Variants in VPS13D observed in about 807,000 individuals in gnomAD.
VPS13D encodes intermembrane lipid transfer protein VPS13D.
A neutral mutation model predicts 461.9 loss-of-function variants in VPS13D; 187 were observed. That is an observed-to-expected ratio of 0.40 (90% CI 0.36 to 0.46). The LOEUF (loss-of-function observed/expected upper bound fraction) is 0.46, where lower values mean the gene tolerates loss of function less well. VPS13D is among the 20% of genes least tolerant of loss of function. The probability of loss-of-function intolerance (pLI) is 0.60; values close to 1 mark genes in which losing one functional copy is unlikely to be tolerated. For missense variants in VPS13D, 4,711 were observed against 5,364.9 expected (o/e 0.88, Z 3.81); for synonymous variants, 1,951 against 1,986.3 (o/e 0.98, Z 0.47).
chr1:12,290,019 C>T lies in VPS13D; in HGVS notation c.5726-979C>T, dbSNP rs146788708. On this transcript the variant is annotated intron_variant, in intron 22 of 69. Coordinates refer to ENST00000620676, the MANE Select transcript of VPS13D (RefSeq NM_015378.4). ...ATATACCTTAGTAATTGTTTTATCACGATAATTATGATAATAAATTTTGTT... is the reference window on the plus strand; with the variant it reads ...ATATACCTTAGTAATTGTTTTATCATGATAATTATGATAATAAATTTTGTT... Among the ~76,000 whole-genome samples the T allele has an allele frequency of 1.5e-3, 221 of 152,116 alleles. 8 individuals are homozygous for T. In the East Asian group the frequency reaches 0.019, roughly 13 times the overall value.
At chr1:12,284,691 T>C (rs149675585) in intron 21 of VPS13D, among the ~76,000 whole-genome samples, 3,128 of 152,344 alleles carry the variant, frequency 0.021, 152 homozygotes, top group Admixed American at 0.12. Context: ...TGTGTGGACT[T>C]GCACTTCCTG....
chr1:12,251,920 C>T (rs887036312), intron 6 of VPS13D, among the ~76,000 whole-genome samples: 1 of 152,146 alleles, frequency 6.6e-6, no homozygotes, highest in African/African-American at 2.4e-5. Context: ...GGTCTGAAGT[C>T]AAGGGGTTGT....
Position 12,282,912 on chromosome 1 carries a change from C to A in VPS13D, c.4810C>A (p.Gln1604Lys), listed in dbSNP as rs776025401. ...CCACTCCAGCCTTTCTAACACCTCT[C>A]AGAAGTCATTGTCAGTGAAGGAAGT... is the stretch of plus-strand genomic sequence containing the variant. The part of the protein sequence containing the change: ...FSHSSLSNTS[Q>K]KSLSVKEVKS... Residue 1604 changes from glutamine to lysine, a missense_variant, in exon 21 of 70, where the codon CAG becomes AAG. Gln to Lys is a moderately conservative substitution (Grantham distance 53). Transcript: ENST00000620676. 3.1e-6 allele frequency: 5 copies of A among 1,614,188 alleles called. No individual in the cohort carries two copies. In the East Asian group the frequency reaches 8.9e-5, roughly 29 times the overall value.
chr1:12,299,371 C>T lies in VPS13D; in HGVS notation c.6203C>T (p.Ser2068Phe), dbSNP rs1642358911. The stretch of plus-strand genomic sequence containing the variant: ...TTTGCTGGTTTTCCTGGCACCTTTT[C>T]CCTACAAGATAAGGTGAGCAATCAG... ...FLFAGFPGTF[S>F]LQDKESVPSA... is the part of the protein sequence containing the mutation. Residue 2068 changes from serine to phenylalanine, a missense_variant, in exon 25 of 70, where the codon TCC becomes TTC. Coordinates refer to ENST00000620676, the MANE Select transcript of VPS13D (RefSeq NM_015378.4). This position sits in a 1 kb window ranked among gnomAD's most constrained non-coding sequence, Gnocchi z 4.2. 1.2e-6 allele frequency: 2 copies of T among 1,611,522 alleles called. No individual in the cohort carries two copies. Among genetic ancestry groups the T allele is most frequent in the Non-Finnish European group, 1.7e-6 (2 of 1,179,148 alleles).
In VPS13D at chr1:12,479,020, C is replaced by G. The variant is rs542002049; in HGVS notation, c.12663-18480C>G. On this transcript the variant is annotated intron_variant, in intron 67 of 69. Transcript: ENST00000620676. ...TGCTAAAACAGAGCAGGTGGAAGGCCGCCCCACGGAGTGGCCTGTGAGCCC... is the reference window on the plus strand; with the variant it reads ...TGCTAAAACAGAGCAGGTGGAAGGCGGCCCCACGGAGTGGCCTGTGAGCCC... 1.8e-5 allele frequency: 7 copies of G among 399,010 alleles called. No homozygotes were observed. The Admixed American group carries it at 1.9e-4, about 11-fold the overall frequency. 24.7% of individuals were successfully genotyped at this position (399,010 alleles called of 1,614,324 possible).
At chr1:12,448,706 G>C (rs1449502513) in intron 65 of VPS13D, among the ~76,000 whole-genome samples, 1 of 152,222 alleles carries the variant, frequency 6.6e-6, no homozygotes, top group East Asian at 1.9e-4. Context: ...TTGAAGATCA[G>C]TTGTCTTGAT....
intron 65 of VPS13D, among the ~76,000 whole-genome samples, chr1:12,454,249 CAG>C (rs1337127358): frequency 1.3e-5 from 2 of 152,214 alleles, no homozygotes; most frequent in Non-Finnish European, 2.9e-5. Flanking sequence ...GAAGTTTGGT[CAG>C]ATGCCCCAGC....
In VPS13D at chr1:12,283,333, C is replaced by G. The variant is rs1641847935; in HGVS notation, c.5231C>G (p.Ser1744Cys). ...NVFQLYQRPT[S>C]ASRKKQKEVQ... ...TTCCAGTTGTATCAAAGGCCCACCT[C>G]TGCGTCCCGGAAAAAGCAAAAGGAA... Residue 1744 changes from serine (S) to cysteine (C), a missense_variant, in exon 21 of 70, where the codon TCT becomes TGT. Physicochemically the swap from Ser to Cys is moderately radical, Grantham distance 112. This residue lies in a region of VPS13D where 4,411 missense variants were observed against 4,937.8 expected (regional missense o/e 0.89). Coordinates refer to ENST00000620676, the MANE Select transcript of VPS13D (RefSeq NM_015378.4). 2 of 1,614,188 alleles carry G rather than the reference C, an allele frequency of 1.2e-6. No homozygotes were observed. The highest frequency in any genetic ancestry group is 1.7e-6 in the Non-Finnish European group (2 of 1,180,024).
At chr1:12,405,095 G>A (rs1158638601) in intron 63 of VPS13D, among the ~76,000 whole-genome samples, 1 of 152,230 alleles carries the variant, frequency 6.6e-6, no homozygotes, top group Non-Finnish European at 1.5e-5. Flanking sequence ...CAGGAGCTGC[G>A]CTGGCGATGC....
chr1:12,492,356 G>A (rs535414402), intron 67 of VPS13D, among the ~76,000 whole-genome samples: 2 of 152,344 alleles, frequency 1.3e-5, no homozygotes, highest in East Asian at 3.9e-4. Context: ...ATCCATTCAA[G>A]CAGCAAAGAT....
chr1:12,402,067 T>A (rs931122159), intron 62 of VPS13D, among the ~76,000 whole-genome samples: 1 of 152,232 alleles, frequency 6.6e-6, no homozygotes, highest in African/African-American at 2.4e-5. Context: ...TTCCTAACCT[T>A]TGTTTCTTAA....
Position 12,400,185 on chromosome 1 carries a change from A to G in VPS13D, c.11639A>G (p.Asp3880Gly), listed in dbSNP as rs1039452364. Residue 3880 changes from aspartate (D) to glycine (G), a missense_variant, in exon 61 of 70, where the codon GAC (aspartate) becomes GGC (glycine). This residue lies in a region of VPS13D where 4,411 missense variants were observed against 4,937.8 expected (regional missense o/e 0.89). Transcript: ENST00000620676. The part of the protein sequence containing the change: ...LELSIQDVQV[D>G]NQLIGTTQPF... ...GCTACCTTTCCATGGCCGTAGGTGG[A>G]CAATCAGCTCATTGGTACCACGCAG... is the stretch of plus-strand genomic sequence containing the variant. The G allele has an allele frequency of 1.2e-6, 2 of 1,613,860 alleles. No individual in the cohort carries two copies. The highest frequency in any genetic ancestry group is 8.5e-7 in the Non-Finnish European group (1 of 1,179,968).
At chr1:12,422,550 A>T (rs1203986288) in intron 65 of VPS13D, among the ~76,000 whole-genome samples, 1 of 152,186 alleles carries the variant, frequency 6.6e-6, no homozygotes, top group Non-Finnish European at 1.5e-5. Flanking sequence ...TATGAATTTG[A>T]CAGAGATCTA....
chr1:12,503,063 C>A (rs943087734), intron 68 of VPS13D, among the ~76,000 whole-genome samples: 1 of 152,122 alleles, frequency 6.6e-6, no homozygotes, highest in African/African-American at 2.4e-5. Flanking sequence ...TGTGACCTGC[C>A]CCAGAGGAGG....
chr1:12,389,777 C>G (rs1458315514), intron 60 of VPS13D, among the ~76,000 whole-genome samples: 3 of 152,170 alleles, frequency 2.0e-5, no homozygotes, highest in Non-Finnish European at 1.5e-5. Context: ...TGACCCAAAC[C>G]TTCCTTCCTG....
At position 12,279,460 on chromosome 1, in the gene VPS13D, T is replaced by C. The variant is rs776006011; in HGVS notation, c.4451-39T>C. ...TAATCAGCAGTAATGAAGTAAATAT[T>C]AAGGTTTATGGTCTATCATTTCATC... On this transcript the variant is annotated intron_variant, in intron 19 of 69. Transcript: ENST00000620676. The surrounding 1 kb of genome is among the most constrained non-coding windows in gnomAD (Gnocchi z 4.3). The C allele has an allele frequency of 2.1e-5, 33 of 1,538,314 alleles. No homozygotes were observed. The highest frequency in any genetic ancestry group is 2.8e-5 in the Non-Finnish European group (32 of 1,133,196).
At chr1:12,288,517 C>G (rs1642037264) in intron 22 of VPS13D, among the ~76,000 whole-genome samples, 1 of 152,024 alleles carries the variant, frequency 6.6e-6, no homozygotes, top group South Asian at 2.1e-4. Flanking sequence ...GTTAAAAGTG[C>G]AGGTGTTGGC....
At chr1:12,284,214 T>C (rs1207117924) in intron 21 of VPS13D, among the ~76,000 whole-genome samples, 4 of 152,224 alleles carry the variant, frequency 2.6e-5, no homozygotes, top group African/African-American at 9.6e-5. Context: ...CTCCGTGAGT[T>C]TGAGTCCTGG....
At chr1:12,403,544 A>C (rs530757552) in intron 62 of VPS13D, among the ~76,000 whole-genome samples, 1 of 152,226 alleles carries the variant, frequency 6.6e-6, no homozygotes, top group South Asian at 2.1e-4. Flanking sequence ...TGGCTTTTCC[A>C]TCTGGATGAT....
Sources: allele counts gnomAD v4.1 joint callset (sites outside exome capture counted in the v4.1 genomes callset), GRCh38; gene constraint gnomAD v4.1.1; regional missense constraint gnomAD v4.1.1; non-coding constraint Gnocchi (gnomAD v3.1); transcripts MANE v1.5; gene names NCBI Gene and HGNC (gene_info 2026-07-23, HGNC 2026-07-21).